TMPRSS6: variants seen among roughly 807,000 people sequenced by gnomAD.
TMPRSS6 encodes the protein transmembrane protease serine 6.
TMPRSS6 carries 67 observed loss-of-function variants against 101.5 expected under a neutral mutation model. The ratio of observed to expected loss-of-function variants is 0.66; its 90% CI spans 0.54 to 0.81. The LOEUF (loss-of-function observed/expected upper bound fraction) is 0.81, where lower values mean the gene tolerates loss of function less well. Ranked by LOEUF, TMPRSS6 falls within the 30% of genes least tolerant of loss-of-function variation. TMPRSS6 has a pLI of 0.00. For missense variants in TMPRSS6, 1,034 were observed against 1,088.7 expected (o/e 0.95, Z 0.71); for synonymous variants, 453 against 464.9 (o/e 0.97, Z 0.33).
At chr22:37,073,790 T>C (rs1455697210) in intron 12 of TMPRSS6, 145 bp from the exon 13 acceptor site, 1 of 701,250 alleles carries the variant, frequency 1.4e-6, no homozygotes, top group African/African-American at 1.7e-5. Flanking sequence ...TGTCTCGCTC[T>C]TGTCACGAAG....
chr22:37,068,826 C>T (rs568334548), intron 16 of TMPRSS6: 19 of 750,638 alleles, frequency 2.5e-5, no homozygotes, highest in Non-Finnish European at 3.8e-5. Flanking sequence ...CAGACCTGCC[C>T]CTTTGCCCCA....
chr22:37,071,157 C>T, intron 13 of TMPRSS6, 125 bp from the exon 14 acceptor site: 1 of 847,652 alleles, frequency 1.2e-6, no homozygotes, highest in Non-Finnish European at 1.9e-6. Context: ...GAGTCTTTTC[C>T]TGAGTCTCCT....
chr22:37,087,590 C>G (rs1301247595), intron 7 of TMPRSS6, among the ~76,000 whole-genome samples: 1 of 152,046 alleles, frequency 6.6e-6, no homozygotes, highest in African/African-American at 2.4e-5. Context: ...CACCACCCCC[C>G]TCACCCCCCA....
intron 6 of TMPRSS6, among the ~76,000 whole-genome samples, chr22:37,094,674 T>C (rs112118617): frequency 6.6e-6 from 1 of 152,242 alleles, no homozygotes; most frequent in African/African-American, 2.4e-5. Context: ...ATGAGAATCA[T>C]GATTTCACCT....
Position 37,068,655 on chromosome 22 carries a change from A to G in TMPRSS6, c.2113+418T>C, listed in dbSNP as rs1435557072. ...GAGCCTTGGTTTCTCCATCCATAAA[A>G]TAGGGCCACAGCATCCGCCCGTAGG... On this transcript the variant is annotated intron_variant, in intron 16 of 17. Coordinates refer to ENST00000676104, the MANE Select transcript of TMPRSS6 (RefSeq NM_001374504.1). The G allele has an allele frequency of 5.1e-6, 4 of 779,700 alleles. No homozygotes were observed. The South Asian group carries it at 5.4e-5, about 10-fold the overall frequency. 48.3% of individuals were successfully genotyped at this position (779,700 alleles called of 1,614,324 possible).
intron 1 of TMPRSS6, among the ~76,000 whole-genome samples, chr22:37,106,352 G>A (rs1029928153): frequency 4.6e-5 from 7 of 152,226 alleles, no homozygotes; most frequent in Admixed American, 1.3e-4. Context: ...GCCCGAAGAG[G>A]GGCAGCTCAT....
intron 7 of TMPRSS6, among the ~76,000 whole-genome samples, chr22:37,088,784 A>G (rs1055637363): frequency 3.9e-5 from 6 of 152,270 alleles, no homozygotes; most frequent in African/African-American, 9.6e-5. Context: ...TAGAGCATAT[A>G]TAATGATAAC....
Position 37,069,375 on chromosome 22 carries a change from G to GTGGGT in TMPRSS6, c.1842-32_1842-31insACCCA, listed in dbSNP as rs1359251470. 2.7e-6 allele frequency: 4 copies of GTGGGT among 1,465,150 alleles called. No homozygotes were observed. Among genetic ancestry groups the GTGGGT allele is most frequent in the African/African-American group, 2.9e-5 (2 of 69,208 alleles). 90.8% of individuals were successfully genotyped at this position (1,465,150 alleles called of 1,614,324 possible). A position where few individuals can be genotyped will look rare whatever the true frequency, so the allele number is the denominator to read the frequency against. ...GTGGGGTGGGGTGGGGTGGGGTGGG[G>GTGGGT]TGAGGTGAGGTGGGAGGAAGCTGCC... On this transcript the variant is annotated intron_variant, in intron 15 of 17. Transcript: ENST00000676104. The surrounding 1 kb of genome is among the most constrained non-coding windows in gnomAD (Gnocchi z 4.8).
intron 2 of TMPRSS6, among the ~76,000 whole-genome samples, chr22:37,100,071 G>A (rs111473702): frequency 2.0e-5 from 3 of 152,178 alleles, no homozygotes; most frequent in African/African-American, 7.2e-5. Context: ...GGGTTCAAGC[G>A]ATTCTCCTGC....
In TMPRSS6 at chr22:37,084,105, A is replaced by T. The variant is rs899112768; in HGVS notation, c.1196+190T>A. ...GGTAGCCAGAGGGGAAGCCGGGGCC[A>T]GGGCGGAGGCTGGGACGAGGACAAG... On this transcript the variant is annotated intron_variant, in intron 10 of 17. Transcript: ENST00000676104. 4 of 627,036 alleles carry T rather than the reference A, an allele frequency of 6.4e-6. No individual in the cohort carries two copies. The African/African-American group carries it at 7.3e-5, about 11-fold the overall frequency. The allele number at this position is 627,036 out of a possible 1,614,324, so 38.8% of individuals were successfully genotyped here.
At chr22:37,098,257 T>G (rs1326846865) in intron 3 of TMPRSS6, among the ~76,000 whole-genome samples, 159 bp downstream of exon 3, 1 of 152,152 alleles carries the variant, frequency 6.6e-6, no homozygotes, top group Non-Finnish European at 1.5e-5. Context: ...AACTTTCCCA[T>G]GACCCTCAAC....
chr22:37,107,759 C>T (rs1166727913), intron 1 of TMPRSS6, among the ~76,000 whole-genome samples: 7 of 152,296 alleles, frequency 4.6e-5, no homozygotes, highest in East Asian at 1.9e-4. Flanking sequence ...CTGCTGGCCT[C>T]GTGGCTCCCT....
intron 13 of TMPRSS6, among the ~76,000 whole-genome samples, chr22:37,072,464 T>TGGAA (rs1927114341): frequency 7.3e-6 from 1 of 137,572 alleles, no homozygotes; most frequent in African/African-American, 2.8e-5. Context: ...GATGGATGGA[T>TGGAA]GGATGGATGG....
At chr22:37,066,468 G>A (rs1384840114) in intron 17 of TMPRSS6, among the ~76,000 whole-genome samples, 3 of 152,170 alleles carry the variant, frequency 2.0e-5, no homozygotes, top group Non-Finnish European at 2.9e-5. Flanking sequence ...GTGTCCCCAC[G>A]CCCCCACTCT....
At chr22:37,075,392 G>T in intron 10 of TMPRSS6, 112 bp from the exon 11 acceptor site, 1 of 1,425,826 alleles carries the variant, frequency 7.0e-7, no homozygotes, top group Non-Finnish European at 9.6e-7. Flanking sequence ...CACGCCCGCT[G>T]TGCCTCCTCT....
chr22:37,090,201 T>C (rs1244299536), intron 6 of TMPRSS6, among the ~76,000 whole-genome samples: 1 of 152,108 alleles, frequency 6.6e-6, no homozygotes, highest in African/African-American at 2.4e-5. Flanking sequence ...CCGGGCAGCT[T>C]TGAGAAAAGT....
chr22:37,082,067 G>A lies in TMPRSS6; in HGVS notation c.1196+2228C>T, dbSNP rs189788428. ...CCCTTGCCCAACTGCATCAGGGAGG[G>A]AGGAGGGCCTTCCCACAGGAAGCAT... On this transcript the variant is annotated intron_variant, in intron 10 of 17. Coordinates refer to ENST00000676104, the MANE Select transcript of TMPRSS6 (RefSeq NM_001374504.1). Among the ~76,000 whole-genome samples, 274 of 152,332 alleles carry A rather than the reference G, an allele frequency of 1.8e-3. 1 individual carries two copies. Among genetic ancestry groups the A allele is most frequent in the African/African-American group, 6.4e-3 (266 of 41,574 alleles).
At chr22:37,074,567 G>A in intron 12 of TMPRSS6, 43 bp downstream of exon 12, 1 of 1,577,918 alleles carries the variant, frequency 6.3e-7, no homozygotes, top group Non-Finnish European at 8.7e-7. Flanking sequence ...GGAAGGAGAA[G>A]GGATGGGCAG....
chr22:37,109,123 T>C (rs1381088579), intron 1 of TMPRSS6, among the ~76,000 whole-genome samples: 1 of 152,126 alleles, frequency 6.6e-6, no homozygotes, highest in African/African-American at 2.4e-5. Flanking sequence ...GCTCCGGGCC[T>C]GTCTCCTACA....
Sources: allele counts gnomAD v4.1 joint callset (sites outside exome capture counted in the v4.1 genomes callset), GRCh38; gene constraint gnomAD v4.1.1; non-coding constraint Gnocchi (gnomAD v3.1); transcripts MANE v1.5; gene names NCBI Gene and HGNC (gene_info 2026-07-23, HGNC 2026-07-21).